The following SOX5 variants were observed in gnomAD, a reference collection of about 807,000 sequenced individuals.
The protein encoded by SOX5 is transcription factor SOX-5.
A neutral mutation model predicts 92.0 loss-of-function variants in SOX5; 9 were observed. The observed-to-expected ratio is 0.10, with a 90% CI of 0.06 to 0.17. The LOEUF is 0.17. Among genes scored for constraint, SOX5 ranks in the 10% least tolerant of loss-of-function variants. The pLI is 1.00. For missense variants in SOX5, 642 were observed against 944.5 expected, an observed-to-expected ratio of 0.68 and a Z score of 4.20; for synonymous variants, 344 against 336.3, an observed-to-expected ratio of 1.02 and a Z score of -0.25.
chr12:23,529,596 ACAAAAAC>A lies in SOX5; in HGVS notation c.*4616_*4622del, dbSNP rs1030687129. ...AAAAATAAAATAAAATAAACAAAAAACAAAAACGAAAAACAGGTTGGTGGCAACCCAC... is the reference window on the plus strand; with the variant it reads ...AAAAATAAAATAAAATAAACAAAAAAGAAAAACAGGTTGGTGGCAACCCAC... On this transcript the variant is annotated 3_prime_UTR_variant, in exon 15 of 15. Coordinates refer to ENST00000451604, the MANE Select transcript of SOX5 (RefSeq NM_006940.6). The A allele has an allele frequency of 2.0e-5, 3 of 152,200 alleles. No homozygotes were observed. Among genetic ancestry groups the A allele is most frequent in the African/African-American group, 7.2e-5 (3 of 41,472 alleles). The allele number at this position is 152,200 out of a possible 1,614,324, so 9.4% of individuals were successfully genotyped here.
chr12:23,971,096 C>A (rs1387453766), intron 4 of SOX5, among the ~76,000 whole-genome samples: 1 of 141,226 alleles, frequency 7.1e-6, no homozygotes, highest in South Asian at 2.3e-4. Context: ...AGTAGTACAG[C>A]CATCTGAGTA....
intron 4 of SOX5, among the ~76,000 whole-genome samples, chr12:24,091,718 AATATAATCTTTTTTCT>A (rs1944676895): frequency 6.6e-6 from 1 of 152,170 alleles, no homozygotes; most frequent in South Asian, 2.1e-4. Flanking sequence ...TAGGATTGAA[AATATAATCTTTTTTCT>A]TTAAGAGACA....
At chr12:23,591,482 CA>C (rs1454490566) in intron 9 of SOX5, among the ~76,000 whole-genome samples, 1 of 152,016 alleles carries the variant, frequency 6.6e-6, no homozygotes, top group East Asian at 1.9e-4. Context: ...TAGAACAGAT[CA>C]GAATTCTAGT....
chr12:24,049,862 G>C (rs945416891), intron 4 of SOX5, among the ~76,000 whole-genome samples: 1 of 151,638 alleles, frequency 6.6e-6, no homozygotes, highest in Admixed American at 6.6e-5. Context: ...TTGTCGGAGG[G>C]AAGTGGAGCC....
At chr12:24,028,098 G>A (rs905575662) in intron 4 of SOX5, among the ~76,000 whole-genome samples, 1 of 151,866 alleles carries the variant, frequency 6.6e-6, no homozygotes, top group African/African-American at 2.4e-5. Flanking sequence ...CAGGGAGCAG[G>A]CAGGGAGGTT....
intron 4 of SOX5, among the ~76,000 whole-genome samples, chr12:23,743,846 C>T (rs534487467): frequency 7.2e-4 from 110 of 152,272 alleles, no homozygotes; most frequent in African/African-American, 2.6e-3. Context: ...GGACCTGTGG[C>T]ATTCTAGCCT....
intron 4 of SOX5, among the ~76,000 whole-genome samples, chr12:23,973,242 A>G (rs1591955187): frequency 6.7e-6 from 1 of 148,268 alleles, no homozygotes; most frequent in South Asian, 2.1e-4. Context: ...GCTCACTGCA[A>G]CCTCTGCCTC....
At chr12:23,659,687 A>C (rs2082770625) in intron 7 of SOX5, among the ~76,000 whole-genome samples, 1 of 152,162 alleles carries the variant, frequency 6.6e-6, no homozygotes, top group African/African-American at 2.4e-5. Flanking sequence ...AAAAGTTTAA[A>C]ACTGGCCAGG....
chr12:24,019,277 T>C (rs1380788263), intron 4 of SOX5, among the ~76,000 whole-genome samples: 1 of 152,176 alleles, frequency 6.6e-6, no homozygotes, highest in Non-Finnish European at 1.5e-5. Context: ...CCAAATATAA[T>C]GCATTGAAAT....
chr12:23,920,947 A>G (rs993439694), intron 1 of SOX5, among the ~76,000 whole-genome samples: 3 of 152,214 alleles, frequency 2.0e-5, no homozygotes, highest in African/African-American at 7.2e-5. Context: ...TACTATTTAC[A>G]CTATAAACTT....
At chr12:24,298,754 C>A (rs1947587709) in intron 2 of SOX5, among the ~76,000 whole-genome samples, 2 of 117,480 alleles carry the variant, frequency 1.7e-5, no homozygotes, top group African/African-American at 3.2e-5. Flanking sequence ...GGTGCAAAAC[C>A]ATAATTCTAA....
intron 1 of SOX5, among the ~76,000 whole-genome samples, chr12:24,540,934 G>A (rs1952067426): frequency 6.6e-6 from 1 of 152,090 alleles, no homozygotes; most frequent in East Asian, 1.9e-4. Flanking sequence ...CTAACCATAA[G>A]TTGCATTGCA....
chr12:24,263,030 T>A (rs1942397797), intron 3 of SOX5, among the ~76,000 whole-genome samples: 1 of 150,910 alleles, frequency 6.6e-6, no homozygotes, highest in African/African-American at 2.4e-5. Context: ...GAGGCCAGAC[T>A]GGCCAACATG....
At chr12:24,539,433 A>T (rs905456936) in intron 1 of SOX5, among the ~76,000 whole-genome samples, 1 of 152,136 alleles carries the variant, frequency 6.6e-6, no homozygotes, top group African/African-American at 2.4e-5. Flanking sequence ...TTAAAAGGTG[A>T]TGTTACAAAA....
At chr12:23,846,243 C>T (rs1450268407) in intron 2 of SOX5, 50 bp from the exon 3 acceptor site, 1 of 1,328,612 alleles carries the variant, frequency 7.5e-7, no homozygotes, top group South Asian at 1.2e-5. Context: ...AAAGAGAGAG[C>T]AAAAGGACAA....
At chr12:24,028,156 G>A (rs1032230999) in intron 4 of SOX5, among the ~76,000 whole-genome samples, 1 of 151,912 alleles carries the variant, frequency 6.6e-6, no homozygotes, top group Non-Finnish European at 1.5e-5. Context: ...CCTCTGTACA[G>A]TCAAAATGTC....
intron 1 of SOX5, among the ~76,000 whole-genome samples, chr12:24,509,367 C>T (rs147767956): frequency 9.0e-4 from 137 of 151,826 alleles, no homozygotes; most frequent in African/African-American, 3.2e-3. Context: ...CCTTTTTTTC[C>T]TCCATAGTAG....
intron 1 of SOX5, among the ~76,000 whole-genome samples, chr12:23,905,459 G>A (rs916424681): frequency 1.1e-4 from 17 of 152,134 alleles, no homozygotes; most frequent in African/African-American, 4.1e-4. Flanking sequence ...CTGGGCTGGA[G>A]GGTTAAAATT....
chr12:24,204,459 A>G (rs747135664), intron 4 of SOX5, among the ~76,000 whole-genome samples: 130 of 151,834 alleles, frequency 8.6e-4, no homozygotes, highest in South Asian at 8.3e-4. Flanking sequence ...TTCCTGAGTA[A>G]CTGGGATTAT....
Sources: allele counts gnomAD v4.1 joint callset (sites outside exome capture counted in the v4.1 genomes callset), GRCh38; gene constraint gnomAD v4.1.1; transcripts MANE v1.5; gene names NCBI Gene and HGNC (gene_info 2026-07-23, HGNC 2026-07-21).